Variants in MFSD11 observed in about 807,000 individuals in gnomAD.
MFSD11 encodes UNC93-like protein MFSD11.
MFSD11 carries 36 observed loss-of-function variants against 53.5 expected under a neutral mutation model. The ratio of observed to expected loss-of-function variants is 0.67; its 90% confidence interval spans 0.52 to 0.89. The LOEUF is 0.89. Among genes scored for constraint, MFSD11 ranks in the 40% least tolerant of loss-of-function variants. The probability of loss-of-function intolerance (pLI) is 0.00; values close to 1 mark genes in which losing one functional copy is unlikely to be tolerated. For missense variants in MFSD11, 530 were observed against 543.9 expected (o/e 0.97, Z 0.25); for synonymous variants, 186 against 184.9 (o/e 1.01, Z -0.05).
intron 8 of MFSD11, among the ~76,000 whole-genome samples, chr17:76,757,144 G>A (rs983309797): frequency 1.3e-5 from 2 of 152,156 alleles, no homozygotes; most frequent in African/African-American, 4.8e-5. Flanking sequence ...CCCTCTGGCT[G>A]TCTGTTAATG....
Position 76,750,645 on chromosome 17 carries a change from C to T in MFSD11, c.642-3402C>T, listed in dbSNP as rs1251095654. Among the ~76,000 whole-genome samples, 10 of 151,680 alleles carry T rather than the reference C, an allele frequency of 6.6e-5. No homozygotes were observed. The East Asian group carries it at 1.6e-3, about 24-fold the overall frequency. ...TGCTGGGATTACAGGCGTGAGCCAC[C>T]GCGCCTGGCCGAGCTTTAGAAATTT... On this transcript the variant is annotated intron_variant, in intron 7 of 12. Transcript: ENST00000685175.
At chr17:76,747,650 G>A (rs2078674792) in intron 7 of MFSD11, among the ~76,000 whole-genome samples, 1 of 152,126 alleles carries the variant, frequency 6.6e-6, no homozygotes, top group Non-Finnish European at 1.5e-5. Flanking sequence ...TTGTTTTAAA[G>A]CACAAACCAG....
the MFSD11 span, among the ~76,000 whole-genome samples, chr17:76,788,589 T>C: frequency 0.095 from 14,184 of 149,330 alleles, 1,726 homozygotes; most frequent in Non-Finnish European, 0.15. Flanking sequence ...CTGAGATTCA[T>C]GCCTGTAATC....
intron 10 of MFSD11, among the ~76,000 whole-genome samples, chr17:76,774,487 TC>T (rs1297011874): frequency 6.6e-6 from 1 of 152,226 alleles, no homozygotes; most frequent in East Asian, 1.9e-4. Context: ...TACAGAGTTC[TC>T]CTCTTCTCAC....
intron 8 of MFSD11, among the ~76,000 whole-genome samples, chr17:76,765,490 T>G (rs472646): frequency 7.7e-6 from 1 of 129,386 alleles, no homozygotes; most frequent in Non-Finnish European, 1.6e-5. Context: ...TGAGACAGGG[T>G]GTTGCTCTGC....
rs755863704 is a variant in MFSD11, at chr17:76,776,532, G to A, written c.1176G>A (p.Lys392=). 1 of 1,613,864 alleles carries A rather than the reference G, an allele frequency of 6.2e-7. No individual in the cohort carries two copies. Among genetic ancestry groups the A allele is most frequent in the East Asian group, 2.2e-5 (1 of 44,868 alleles). ...EDSAPAFAIF[K]FVQSICAAVA... ...GCGCCCCAGCATTTGCCATCTTCAA[G>A]TTTGTTCAGGTAACCTCTTCAGATT... is the stretch of plus-strand genomic sequence containing the variant. Residue 392 remains lysine, a synonymous_variant, in exon 12 of 13, where the codon AAG becomes AAA. Coordinates refer to ENST00000685175, the MANE Select transcript of MFSD11 (RefSeq NM_001242532.5). The surrounding 1 kb of genome is among the most constrained non-coding windows in gnomAD (Gnocchi z 4.2).
At chr17:76,746,668 C>G (rs1469365070) in intron 7 of MFSD11, among the ~76,000 whole-genome samples, 8 of 152,188 alleles carry the variant, frequency 5.3e-5, no homozygotes, top group African/African-American at 7.2e-5. Context: ...TGCCTGGGCT[C>G]TAGAAATGCA....
chr17:76,794,287 C>G, the MFSD11 span, among the ~76,000 whole-genome samples: 4 of 150,868 alleles, frequency 2.7e-5, no homozygotes, highest in African/African-American at 9.9e-5. Flanking sequence ...AGTTCGAGAC[C>G]AGCCTGGCCA....
chr17:76,741,123 G>A, intron 3 of MFSD11, 59 bp downstream of exon 3: 1 of 1,045,180 alleles, frequency 9.6e-7, no homozygotes, highest in Non-Finnish European at 1.5e-6. Flanking sequence ...CTTTCAAGTA[G>A]ATAGTAAACT....
chr17:76,757,942 G>A (rs564003533), intron 8 of MFSD11, among the ~76,000 whole-genome samples: 9 of 152,140 alleles, frequency 5.9e-5, no homozygotes, highest in Non-Finnish European at 1.3e-4. Flanking sequence ...CCCAAGAGGC[G>A]GAGGTTGCAG....
At chr17:76,782,880 T>G (rs1037895018), downstream of MFSD11, among the ~76,000 whole-genome samples, 5 of 151,884 alleles carry the variant, frequency 3.3e-5, no homozygotes, top group Admixed American at 1.3e-4. Context: ...ATTACTTGAG[T>G]TAAAGATGAA....
At chr17:76,773,849 G>A (rs2081583240) in intron 10 of MFSD11, among the ~76,000 whole-genome samples, 1 of 151,938 alleles carries the variant, frequency 6.6e-6, no homozygotes. Flanking sequence ...CTCGTGATCT[G>A]CCCACCTTGA....
chr17:76,748,602 C>T (rs1045160002), intron 7 of MFSD11, among the ~76,000 whole-genome samples: 4 of 151,796 alleles, frequency 2.6e-5, no homozygotes, highest in African/African-American at 9.7e-5. Context: ...TAGGGGGAAG[C>T]TTCAGCAAAG....
intron 6 of MFSD11, 152 bp downstream of exon 6, chr17:76,743,608 T>G (rs2078290814): frequency 2.2e-6 from 1 of 448,578 alleles, no homozygotes; most frequent in Admixed American, 4.2e-5. Flanking sequence ...AGACTTTTCC[T>G]TGGTTTATAT....
chr17:76,792,072 T>G, the MFSD11 span, among the ~76,000 whole-genome samples: 3 of 148,760 alleles, frequency 2.0e-5, no homozygotes, highest in African/African-American at 7.5e-5. Flanking sequence ...GAATTTTCTC[T>G]GCTAGAGACA....
At chr17:76,791,233 G>A in the MFSD11 span, among the ~76,000 whole-genome samples, 1 of 148,880 alleles carries the variant, frequency 6.7e-6, no homozygotes, top group East Asian at 2.0e-4. Context: ...ATAATTTAGA[G>A]AACAAGCAGA....
intron 9 of MFSD11, among the ~76,000 whole-genome samples, chr17:76,768,917 C>G (rs1325749165): frequency 6.7e-6 from 1 of 148,958 alleles, no homozygotes; most frequent in African/African-American, 2.5e-5. Flanking sequence ...ACCTGGGAGG[C>G]AGAGGTTGCA....
chr17:76,779,254 C>CAAAAAAAAAAAAAAAAAA lies in MFSD11; in HGVS notation c.*905_*922dup, dbSNP rs943666105. The CAAAAAAAAAAAAAAAAAA allele has an allele frequency of 2.0e-5, 1 of 48,826 alleles. No individual in the cohort carries two copies. The highest frequency in any genetic ancestry group is 7.1e-5 in the African/African-American group (1 of 14,048). The allele number at this position is 48,826 out of a possible 1,614,324, so 3.0% of individuals were successfully genotyped here. On this transcript the variant is annotated 3_prime_UTR_variant, in exon 13 of 13. Transcript: ENST00000685175. ...GGATGACAAGAGTGAAACTCCATCT[C>CAAAAAAAAAAAAAAAAAA]AAAAAAAAAAAAAAAAAAAAGAAAA...
the MFSD11 span, among the ~76,000 whole-genome samples, chr17:76,792,185 C>T: frequency 1.3e-5 from 2 of 148,742 alleles, no homozygotes; most frequent in African/African-American, 5.0e-5. Flanking sequence ...GTGGCACTAT[C>T]TTGGCTCACT....
Sources: allele counts gnomAD v4.1 joint callset (sites outside exome capture counted in the v4.1 genomes callset), GRCh38; gene constraint gnomAD v4.1.1; non-coding constraint Gnocchi (gnomAD v3.1); transcripts MANE v1.5; gene names NCBI Gene and HGNC (gene_info 2026-07-23, HGNC 2026-07-21).